PCDHGA9: variants seen among roughly 807,000 people sequenced by gnomAD.
PCDHGA9 encodes the protein protocadherin gamma-A9.
PCDHGA9 carries 37 observed loss-of-function variants against 62.5 expected under a neutral mutation model. The observed-to-expected ratio is 0.59, with a 90% CI of 0.46 to 0.78. The LOEUF is 0.78. Ranked by LOEUF, PCDHGA9 falls within the 30% of genes least tolerant of loss-of-function variation. The probability of loss-of-function intolerance (pLI) is 0.00; values close to 1 mark genes in which losing one functional copy is unlikely to be tolerated. For synonymous variants in PCDHGA9, 459 were observed against 484.6 expected (o/e 0.95, Z 0.69); for missense variants, 1,138 against 1,166.2 (o/e 0.98, Z 0.35).
In PCDHGA9 at chr5:141,459,764, A is replaced by G. The variant is rs980972909; in HGVS notation, c.2425-35043A>G. On this transcript the variant is annotated intron_variant, in intron 1 of 3. Transcript: ENST00000573521. ...TTTTAGCAATTCTAGTGGGTGTGTG[A>G]TACTATCTCATTGAAGTTTCAACTG... Among the ~76,000 whole-genome samples, 56 of 152,208 alleles carry G rather than the reference A, an allele frequency of 3.7e-4. 1 individual carries two copies. Among genetic ancestry groups the G allele is most frequent in the Admixed American group, 6.5e-5 (1 of 15,274 alleles).
At position 141,404,169 on chromosome 5, in the gene PCDHGA9, C is replaced by A; in HGVS notation, c.1217C>A (p.Thr406Lys). The change falls in exon 1 of 4, where the codon ACG (threonine) becomes AAG (lysine). Residue 406 changes from threonine (T) to lysine (K), a missense_variant. Transcript: ENST00000573521. The part of the protein sequence containing the change: ...NSEEDYYRLL[T>K]AQILDREKAS... Reference sequence around the variant, plus strand: ...GAAGAAGATTATTACAGATTGTTGACGGCCCAAATTCTTGACCGAGAAAAA... The same window carrying A: ...GAAGAAGATTATTACAGATTGTTGAAGGCCCAAATTCTTGACCGAGAAAAA... 1 of 1,612,736 alleles carries A rather than the reference C, an allele frequency of 6.2e-7. No individual in the cohort carries two copies. The highest frequency in any genetic ancestry group is 8.5e-7 in the Non-Finnish European group (1 of 1,179,276).
intron 1 of PCDHGA9, among the ~76,000 whole-genome samples, chr5:141,451,364 C>T (rs970149151): frequency 3.9e-5 from 6 of 152,078 alleles, no homozygotes; most frequent in Middle Eastern, 3.2e-3. Context: ...AGGATGGATC[C>T]GCTTCTAATC....
chr5:141,418,753 A>G, intron 1 of PCDHGA9: 2 of 1,613,974 alleles, frequency 1.2e-6, no homozygotes, highest in South Asian at 2.2e-5. Context: ...ATTACACTAC[A>G]GGAAACATTC....
At chr5:141,422,399 T>C in intron 1 of PCDHGA9, 3 of 1,598,374 alleles carry the variant, frequency 1.9e-6, no homozygotes, top group Non-Finnish European at 2.6e-6. Context: ...CCTAACCACC[T>C]GCCTTTTAAA....
At chr5:141,409,200 T>A in intron 1 of PCDHGA9, 1 of 1,614,020 alleles carries the variant, frequency 6.2e-7, no homozygotes, top group Non-Finnish European at 8.5e-7. Flanking sequence ...CAGTGTAAAG[T>A]AATCATAGAA....
At chr5:141,500,582 T>G (rs534297929) in intron 2 of PCDHGA9, among the ~76,000 whole-genome samples, 29 of 152,314 alleles carry the variant, frequency 1.9e-4, no homozygotes, top group African/African-American at 6.7e-4. Flanking sequence ...ATGTGACACT[T>G]TATTCACATA....
chr5:141,431,237 C>A lies in PCDHGA9; in HGVS notation c.2424+25861C>A. 1 of 1,614,170 alleles carries A rather than the reference C, an allele frequency of 6.2e-7. No homozygotes were observed. Among genetic ancestry groups the A allele is most frequent in the Non-Finnish European group, 8.5e-7 (1 of 1,180,044 alleles). The stretch of plus-strand genomic sequence containing the variant: ...GTTCCCTCTACCCCACGCCTGGGAT[C>A]CGGATATCGGGAAGAACTCTCTGCA... On this transcript the variant is annotated intron_variant, in intron 1 of 3. Transcript: ENST00000573521. The surrounding 1 kb of genome is among the most constrained non-coding windows in gnomAD (Gnocchi z 4.8).
rs760747309 is a variant in PCDHGA9, at chr5:141,477,613, A to G, written c.2425-17194A>G. 1.2e-6 allele frequency: 2 copies of G among 1,614,210 alleles called. No individual in the cohort carries two copies. Among genetic ancestry groups the G allele is most frequent in the Non-Finnish European group, 8.5e-7 (1 of 1,180,044 alleles). ...GGCTTTCTTTCTTTCTCTTGGAGCA[A>G]GGAGCTGAAACCGGGCTAGTGGGTC... On this transcript the variant is annotated intron_variant, in intron 1 of 3. Coordinates refer to ENST00000573521, the MANE Select transcript of PCDHGA9 (RefSeq NM_018921.3). This position sits in a 1 kb window ranked among gnomAD's most constrained non-coding sequence, Gnocchi z 4.9.
chr5:141,469,573 CTAAA>C (rs1209972534), intron 1 of PCDHGA9, among the ~76,000 whole-genome samples: 2 of 151,554 alleles, frequency 1.3e-5, no homozygotes, highest in Non-Finnish European at 2.9e-5. Flanking sequence ...GACTCTGTCT[CTAAA>C]TAAATAAATA....
Position 141,490,970 on chromosome 5 carries a change from A to G in PCDHGA9, c.2425-3837A>G. ...CCAGACTGGGAACACTCAGCCCCCC[A>G]GCGTCTCCCTCGCTCTGCTCCTCCT... On this transcript the variant is annotated intron_variant, in intron 1 of 3. Coordinates refer to ENST00000573521, the MANE Select transcript of PCDHGA9 (RefSeq NM_018921.3). This position sits in a 1 kb window ranked among gnomAD's most constrained non-coding sequence, Gnocchi z 5.4. 1 of 1,613,858 alleles carries G rather than the reference A, an allele frequency of 6.2e-7. No individual in the cohort carries two copies. Among genetic ancestry groups the G allele is most frequent in the South Asian group, 1.1e-5 (1 of 91,062 alleles).
chr5:141,490,103 C>T lies in PCDHGA9; in HGVS notation c.2425-4704C>T, dbSNP rs1012215533. ...TCTTTTGGAGACCACACATCTGAGG[C>T]AGTGCGGAACCTCTTTGGCCTAGAC... On this transcript the variant is annotated intron_variant, in intron 1 of 3. Coordinates refer to ENST00000573521, the MANE Select transcript of PCDHGA9 (RefSeq NM_018921.3). The surrounding 1 kb of genome is among the most constrained non-coding windows in gnomAD (Gnocchi z 5.4). The T allele has an allele frequency of 6.2e-7, 1 of 1,614,122 alleles. No homozygotes were observed. The highest frequency in any genetic ancestry group is 1.3e-5 in the African/African-American group (1 of 74,954).
chr5:141,420,337 A>G, intron 1 of PCDHGA9: 8 of 1,402,708 alleles, frequency 5.7e-6, no homozygotes, highest in Non-Finnish European at 7.6e-6. Flanking sequence ...ATTCCAATAT[A>G]GTGGTATTAT....
chr5:141,491,208 C>G lies in PCDHGA9; in HGVS notation c.2425-3599C>G. 6.2e-7 allele frequency: 1 copy of G among 1,614,204 alleles called. No individual in the cohort carries two copies. Among genetic ancestry groups the G allele is most frequent in the Non-Finnish European group, 8.5e-7 (1 of 1,180,026 alleles). ...TGAGGGACAATGGTGACCCTTCACTCTCCTCCACAGCCACAGTGCTGCTGG... is the reference window on the plus strand; with the variant it reads ...TGAGGGACAATGGTGACCCTTCACTGTCCTCCACAGCCACAGTGCTGCTGG... On this transcript the variant is annotated intron_variant, in intron 1 of 3. Coordinates refer to ENST00000573521, the MANE Select transcript of PCDHGA9 (RefSeq NM_018921.3). This position sits in a 1 kb window ranked among gnomAD's most constrained non-coding sequence, Gnocchi z 6.9.
At chr5:141,461,273 C>A (rs1301916233) in intron 1 of PCDHGA9, among the ~76,000 whole-genome samples, 1 of 152,128 alleles carries the variant, frequency 6.6e-6, no homozygotes, top group Admixed American at 6.6e-5. Flanking sequence ...TAAGTGTTCT[C>A]TTTTCCCCAC....
intron 1 of PCDHGA9, chr5:141,415,400 C>T (rs754292889): frequency 2.5e-6 from 4 of 1,614,228 alleles, no homozygotes; most frequent in South Asian, 1.1e-5. Flanking sequence ...GTGTCCGGCT[C>T]GCACTTTGTG....
Position 141,404,068 on chromosome 5 carries a change from T to C in PCDHGA9, c.1116T>C (p.His372=), listed in dbSNP as rs2094481501. 1.9e-6 allele frequency: 3 copies of C among 1,613,782 alleles called. No homozygotes were observed. The highest frequency in any genetic ancestry group is 2.5e-6 in the Non-Finnish European group (3 of 1,179,784). Residue 372 remains histidine, a synonymous_variant, in exon 1 of 4, where the codon CAT becomes CAC. Coordinates refer to ENST00000573521, the MANE Select transcript of PCDHGA9 (RefSeq NM_018921.3). Reference sequence around the variant, plus strand: ...CAGTAATTCTTCTTTTCAATGCTCATGACCGAGACTCCGGGAAGAATGGTC... The same window carrying C: ...CAGTAATTCTTCTTTTCAATGCTCACGACCGAGACTCCGGGAAGAATGGTC... ...QGTVILLFNA[H]DRDSGKNGQV...
chr5:141,466,769 T>C (rs760924688), intron 1 of PCDHGA9, among the ~76,000 whole-genome samples: 1 of 152,198 alleles, frequency 6.6e-6, no homozygotes, highest in African/African-American at 2.4e-5. Flanking sequence ...CAAACTGTTA[T>C]CTTATTCTTC....
Position 141,511,606 on chromosome 5 carries a change from G to A in PCDHGA9, c.*433G>A, listed in dbSNP as rs1160129762. The stretch of plus-strand genomic sequence containing the variant: ...TGTTGAAGTACCAAGTAACCTACAA[G>A]CCTCCTAGTTCTGAAAAGTTGGAAG... On this transcript the variant is annotated 3_prime_UTR_variant, in exon 4 of 4. Transcript: ENST00000573521. 2 of 248,594 alleles carry A rather than the reference G, an allele frequency of 8.0e-6. No individual in the cohort carries two copies. Among genetic ancestry groups the A allele is most frequent in the Non-Finnish European group, 1.6e-5 (2 of 123,946 alleles). 15.4% of individuals were successfully genotyped at this position (248,594 alleles called of 1,614,324 possible). A position where few individuals can be genotyped will look rare whatever the true frequency, so the allele number is the denominator to read the frequency against.
intron 3 of PCDHGA9, among the ~76,000 whole-genome samples, chr5:141,509,092 G>T (rs943269087): frequency 1.3e-5 from 2 of 152,180 alleles, no homozygotes; most frequent in African/African-American, 4.8e-5. Context: ...TGAAATGGGG[G>T]CTGTAGAAAC....
Sources: allele counts gnomAD v4.1 joint callset (sites outside exome capture counted in the v4.1 genomes callset), GRCh38; gene constraint gnomAD v4.1.1; non-coding constraint Gnocchi (gnomAD v3.1); transcripts MANE v1.5; gene names NCBI Gene and HGNC (gene_info 2026-07-23, HGNC 2026-07-21).